The following STAMBP variants were observed in gnomAD, a reference collection of about 807,000 sequenced individuals.
The protein encoded by STAMBP is STAM binding protein.
In STAMBP, 31 loss-of-function variants were observed where a neutral mutation model predicts 50.7. The ratio of observed to expected loss-of-function variants is 0.61; its 90% confidence interval spans 0.46 to 0.83. The LOEUF is 0.83. Among genes scored for constraint, STAMBP ranks in the 40% least tolerant of loss-of-function variants. STAMBP has a pLI of 0.00. For synonymous variants in STAMBP, 211 were observed against 192.4 expected (o/e 1.10, Z -0.80); for missense variants, 472 against 518.9 (o/e 0.91, Z 0.88).
At chr2:73,859,971 G>T in intron 8 of STAMBP, 81 bp from the exon 9 acceptor site, 1 of 953,880 alleles carries the variant, frequency 1.0e-6, no homozygotes. Context: ...GAGTGTGCAT[G>T]CTGGTGTGTG....
rs532163721 is a variant in STAMBP, at chr2:73,851,531, A to G, written c.1005+1018A>G. 1.6e-4 allele frequency among the ~76,000 whole-genome samples: 24 copies of G among 152,326 alleles called. No individual in the cohort carries two copies. The South Asian group carries it at 2.9e-3, about 18-fold the overall frequency. ...ATGTTGGCAAGCTGGGCCAAGGGCA[A>G]GTTCCTTAAGGAGCAGACAGGTGGA... On this transcript the variant is annotated intron_variant, in intron 7 of 9. Coordinates refer to ENST00000394070, the MANE Select transcript of STAMBP (RefSeq NM_213622.4).
Position 73,862,951 on chromosome 2 carries a change from G to C in STAMBP, c.*692G>C, listed in dbSNP as rs1020517288. 1 of 152,240 alleles carries C rather than the reference G, an allele frequency of 6.6e-6. No individual in the cohort carries two copies. The highest frequency in any genetic ancestry group is 1.5e-5 in the Non-Finnish European group (1 of 68,032). 9.4% of individuals were successfully genotyped at this position (152,240 alleles called of 1,614,324 possible). On this transcript the variant is annotated 3_prime_UTR_variant, in exon 10 of 10. Coordinates refer to ENST00000394070, the MANE Select transcript of STAMBP (RefSeq NM_213622.4). Reference sequence around the variant, plus strand: ...ATAAACAGGTTAAAAAAAAGGTATGGTTGTTTTGGAAAGGTGAAGGAAAAA... The same window carrying C: ...ATAAACAGGTTAAAAAAAAGGTATGCTTGTTTTGGAAAGGTGAAGGAAAAA...
At chr2:73,831,383 CA>C (rs1673901688) in intron 2 of STAMBP, among the ~76,000 whole-genome samples, 1 of 152,196 alleles carries the variant, frequency 6.6e-6, no homozygotes, top group South Asian at 2.1e-4. Flanking sequence ...CTAAAGCAGC[CA>C]ATCATAGGAT....
In STAMBP at chr2:73,845,227, T is replaced by G; in HGVS notation, c.340T>G (p.Tyr114Asp). The change falls in exon 4 of 10, where the codon TAT becomes GAT. Residue 114 changes from tyrosine (Y) to aspartate (D), a missense_variant. Tyr to Asp is a radical substitution (Grantham distance 160, BLOSUM62 -3). Transcript: ENST00000394070. ...EELKAELLKR[Y>D]TKEYTEYNEE... ...GCTGAAGGCAGAGCTGTTAAAACGA[T>G]ATACCAAAGAATATACAGAATATAA... 1 of 1,613,892 alleles carries G rather than the reference T, an allele frequency of 6.2e-7. No homozygotes were observed. The highest frequency in any genetic ancestry group is 8.5e-7 in the Non-Finnish European group (1 of 1,179,786).
chr2:73,871,305 AG>A (rs1679188598), downstream of STAMBP, among the ~76,000 whole-genome samples: 1 of 151,956 alleles, frequency 6.6e-6, no homozygotes, highest in Non-Finnish European at 1.5e-5. Context: ...GCACTTTGGG[AG>A]GCTGAGGTGG....
At chr2:73,857,430 C>T (rs1393816162) in intron 7 of STAMBP, among the ~76,000 whole-genome samples, 1 of 152,112 alleles carries the variant, frequency 6.6e-6, no homozygotes, top group African/African-American at 2.4e-5. Flanking sequence ...CCCCTTCCCC[C>T]TGAGTGCTCA....
At position 73,860,222 on chromosome 2, in the gene STAMBP, A is replaced by G. The variant is rs1015708892; in HGVS notation, c.1218+71A>G. Reference sequence around the variant, plus strand: ...AGGACAGTCAGAGCTGATGAAATGCATCATCCTTTCTGATCCACACAGAAG... The same window carrying G: ...AGGACAGTCAGAGCTGATGAAATGCGTCATCCTTTCTGATCCACACAGAAG... On this transcript the variant is annotated intron_variant, in intron 9 of 9. Transcript: ENST00000394070. The G allele has an allele frequency of 1.2e-5, 16 of 1,313,946 alleles. No individual in the cohort carries two copies. The South Asian group carries it at 2.0e-4, about 16-fold the overall frequency. The allele number at this position is 1,313,946 out of a possible 1,614,324, so 81.4% of individuals were successfully genotyped here. A position where few individuals can be genotyped will look rare whatever the true frequency, so the allele number is the denominator to read the frequency against.
At position 73,864,145 on chromosome 2, in the gene STAMBP, T is replaced by C. The variant is rs1185982190; in HGVS notation, c.*1886T>C. 1 of 152,322 alleles carries C rather than the reference T, an allele frequency of 6.6e-6. No homozygotes were observed. Among genetic ancestry groups the C allele is most frequent in the East Asian group, 1.9e-4 (1 of 5,190 alleles). The allele number at this position is 152,322 out of a possible 1,614,324, so 9.4% of individuals were successfully genotyped here. On this transcript the variant is annotated 3_prime_UTR_variant, in exon 10 of 10. Transcript: ENST00000394070. ...TCAGATGTTGTTTCTGCATTTGTCT[T>C]TCAAGCTGCTAGAATTCTCAAGTAC...
Position 73,865,232 on chromosome 2 carries a change from G to A in STAMBP, c.*2973G>A, listed in dbSNP as rs1235960290. 1.3e-5 allele frequency: 2 copies of A among 152,228 alleles called. No homozygotes were observed. Among genetic ancestry groups the A allele is most frequent in the African/African-American group, 4.8e-5 (2 of 41,448 alleles). 9.4% of individuals were successfully genotyped at this position (152,228 alleles called of 1,614,324 possible). A position where few individuals can be genotyped will look rare whatever the true frequency, so the allele number is the denominator to read the frequency against. ...AGGAGCAAAGCTTTAATGAGTGAAAGTCTGGTGAATCCTGCAATTTTGATA... is the reference window on the plus strand; with the variant it reads ...AGGAGCAAAGCTTTAATGAGTGAAAATCTGGTGAATCCTGCAATTTTGATA... On this transcript the variant is annotated 3_prime_UTR_variant, in exon 10 of 10. Coordinates refer to ENST00000394070, the MANE Select transcript of STAMBP (RefSeq NM_213622.4).
chr2:73,849,518 C>G, intron 6 of STAMBP, 31 bp downstream of exon 6: 2 of 1,563,748 alleles, frequency 1.3e-6, no homozygotes, highest in Non-Finnish European at 1.7e-6. Context: ...AAACTCTTCT[C>G]TGAACCGAAA....
Position 73,859,295 on chromosome 2 carries a change from A to G in STAMBP, c.1047A>G (p.Leu349=), listed in dbSNP as rs768380462. 2.5e-6 allele frequency: 4 copies of G among 1,614,072 alleles called. No homozygotes were observed. The highest frequency in any genetic ancestry group is 1.7e-5 in the Admixed American group (1 of 60,000). Residue 349 remains leucine, a synonymous_variant, in exon 8 of 10, where the codon CTA becomes CTG. Transcript: ENST00000394070. ...TQTAFLSSVD[L]HTHCSYQMML... is the part of the protein sequence containing the mutation. Reference sequence around the variant, plus strand: ...CCGCGTTTCTCTCCAGTGTCGACCTACACACTCACTGCTCTTACCAGATGA... The same window carrying G: ...CCGCGTTTCTCTCCAGTGTCGACCTGCACACTCACTGCTCTTACCAGATGA...
rs1673855021 is a variant in STAMBP at position 73,831,060 on chromosome 2, G to A, written c.203+1G>A. ...TCATCCTCTATAACAAGTATATCAC[G>A]TAAGACACCTACAGTTTCCTTTTTC... On this transcript the variant is annotated splice_donor_variant, in intron 2 of 9. Coordinates refer to ENST00000394070, the MANE Select transcript of STAMBP (RefSeq NM_213622.4). LOFTEE classifies it high-confidence loss of function. The A allele has an allele frequency of 3.1e-6, 5 of 1,613,328 alleles. No homozygotes were observed. The highest frequency in any genetic ancestry group is 1.7e-4 in the Middle Eastern group (1 of 6,060).
downstream of STAMBP, among the ~76,000 whole-genome samples, chr2:73,871,730 T>C (rs375177819): frequency 1.2e-4 from 19 of 152,248 alleles, no homozygotes; most frequent in African/African-American, 4.3e-4. Context: ...CTTTGACAGC[T>C]AGAAGGTTAT....
At chr2:73,868,371 C>T (rs889998949), downstream of STAMBP, among the ~76,000 whole-genome samples, 1 of 151,908 alleles carries the variant, frequency 6.6e-6, no homozygotes, top group African/African-American at 2.4e-5. Context: ...AGTGATGAGT[C>T]GGATGGCAGC....
In STAMBP at chr2:73,862,419, A is replaced by G. The variant is rs1678442255; in HGVS notation, c.*160A>G. 1 of 508,244 alleles carries G rather than the reference A, an allele frequency of 2.0e-6. No individual in the cohort carries two copies. The highest frequency in any genetic ancestry group is 3.1e-4 in the Middle Eastern group (1 of 3,278). The allele number at this position is 508,244 out of a possible 1,614,324, so 31.5% of individuals were successfully genotyped here. The stretch of plus-strand genomic sequence containing the variant: ...ATTTTGTATTTCAGGTTTGAAAAGA[A>G]ATAACTGAACATATTTTTTAGGCAA... On this transcript the variant is annotated 3_prime_UTR_variant, in exon 10 of 10. Transcript: ENST00000394070.
chr2:73,834,415 A>G (rs1423309107), intron 2 of STAMBP, among the ~76,000 whole-genome samples: 1 of 151,044 alleles, frequency 6.6e-6, no homozygotes, highest in Admixed American at 6.6e-5. Context: ...CTTACAGAAA[A>G]GTAAGCTTGA....
intron 2 of STAMBP, among the ~76,000 whole-genome samples, chr2:73,838,683 A>G (rs368247542): frequency 2.6e-5 from 4 of 152,180 alleles, no homozygotes; most frequent in African/African-American, 9.7e-5. Flanking sequence ...TAACAGCAAG[A>G]CTGATATGGG....
intron 3 of STAMBP, 108 bp from the exon 4 acceptor site, chr2:73,845,059 T>C: frequency 6.4e-7 from 1 of 1,552,196 alleles, no homozygotes; most frequent in Non-Finnish European, 8.7e-7. Context: ...AGGGGGTATT[T>C]TAAATCATTT....
chr2:73,842,156 CTAAATACGGCAGGT>C (rs1416220827), intron 2 of STAMBP, among the ~76,000 whole-genome samples: 1 of 152,112 alleles, frequency 6.6e-6, no homozygotes, highest in Non-Finnish European at 1.5e-5. Flanking sequence ...ATACGGCAGG[CTAAATACGGCAGGT>C]TGTCAAATAA....
Sources: allele counts gnomAD v4.1 joint callset (sites outside exome capture counted in the v4.1 genomes callset), GRCh38; gene constraint gnomAD v4.1.1; transcripts MANE v1.5; gene names NCBI Gene and HGNC (gene_info 2026-07-23, HGNC 2026-07-21).